The following FOXK2 variants were observed in gnomAD, a reference collection of about 807,000 sequenced individuals.
The protein encoded by FOXK2 is forkhead box protein K2.
FOXK2 carries 24 observed loss-of-function variants against 53.3 expected under a neutral mutation model. That is an observed-to-expected ratio of 0.45 (90% CI 0.33 to 0.63). The LOEUF is 0.63. Among genes scored for constraint, FOXK2 ranks in the 30% least tolerant of loss-of-function variants. The probability of loss-of-function intolerance (pLI) is 0.03; values close to 1 mark genes in which losing one functional copy is unlikely to be tolerated. For synonymous variants in FOXK2, 505 were observed against 407.1 expected (o/e 1.24, Z -2.89); for missense variants, 952 against 910.5 (o/e 1.05, Z -0.59).
rs925458248 is a variant in FOXK2 at position 82,551,122 on chromosome 17, C to T, written c.420-12232C>T. Among the ~76,000 whole-genome samples the T allele has an allele frequency of 1.7e-3, 257 of 149,896 alleles. 3 individuals carry two copies. Among genetic ancestry groups the T allele is most frequent in the African/African-American group, 6.1e-3 (250 of 40,812 alleles). ...CACAAGCTCAGGAGACTGAGACCAT[C>T]CTGGCTAACACGGTGAAACCCCGTC... is the stretch of plus-strand genomic sequence containing the variant. On this transcript the variant is annotated intron_variant, in intron 1 of 8. Transcript: ENST00000335255.
intron 1 of FOXK2, among the ~76,000 whole-genome samples, chr17:82,540,453 G>A (rs1029818282): frequency 3.3e-5 from 5 of 152,126 alleles, no homozygotes; most frequent in African/African-American, 1.2e-4. Context: ...TCTGTTTGAA[G>A]CCTTTCCAGT....
chr17:82,529,304 T>C (rs2044448618), intron 1 of FOXK2, among the ~76,000 whole-genome samples: 1 of 147,148 alleles, frequency 6.8e-6, no homozygotes, highest in African/African-American at 2.5e-5. Context: ...CTCATTGCAG[T>C]GTCCACCTCC....
rs996261064 is a variant in FOXK2, at chr17:82,571,600, CAAAA to C, written c.763-119_763-116del. The C allele has an allele frequency of 1.1e-5, 12 of 1,048,712 alleles. No individual in the cohort carries two copies. In the African/African-American group the frequency reaches 1.7e-4, roughly 15 times the overall value. The allele number at this position is 1,048,712 out of a possible 1,614,324, so 65.0% of individuals were successfully genotyped here. ...TGGGCGACACAGCGAGACTCTGTCTCAAAAAAAAGACAAATGAGGTATCAGAGGA... is the reference window on the plus strand; with the variant it reads ...TGGGCGACACAGCGAGACTCTGTCTCAAAAGACAAATGAGGTATCAGAGGA... On this transcript the variant is annotated intron_variant, in intron 3 of 8. Coordinates refer to ENST00000335255, the MANE Select transcript of FOXK2 (RefSeq NM_004514.4).
intron 3 of FOXK2, among the ~76,000 whole-genome samples, chr17:82,571,035 C>G (rs2044911599): frequency 6.6e-6 from 1 of 152,090 alleles, no homozygotes; most frequent in African/African-American, 2.4e-5. Context: ...CTGGGCAGCC[C>G]TGGCCACCCC....
chr17:82,584,616 C>T (rs974005143), intron 6 of FOXK2, among the ~76,000 whole-genome samples: 7 of 137,078 alleles, frequency 5.1e-5, no homozygotes, highest in Admixed American at 3.2e-4. Context: ...AATCTTGGCT[C>T]GTTGCAACCT....
chr17:82,520,548 G>A (rs1185031271), intron 1 of FOXK2, among the ~76,000 whole-genome samples: 53 of 152,186 alleles, frequency 3.5e-4, no homozygotes. Context: ...CCCCCTTCCT[G>A]GAGCCGGGGC....
At chr17:82,585,641 A>C (rs1292526858) in intron 6 of FOXK2, among the ~76,000 whole-genome samples, 2 of 152,176 alleles carry the variant, frequency 1.3e-5, no homozygotes, top group Admixed American at 1.3e-4. Context: ...TCTTTTTTAT[A>C]AAGAACTGTG....
At chr17:82,531,846 CTTTA>C (rs772884051) in intron 1 of FOXK2, among the ~76,000 whole-genome samples, 9 of 152,052 alleles carry the variant, frequency 5.9e-5, no homozygotes, top group Non-Finnish European at 1.2e-4. Flanking sequence ...TTAGGCTATA[CTTTA>C]TTTATTTGAG....
At position 82,571,767 on chromosome 17, in the gene FOXK2, A is replaced by G; in HGVS notation, c.806A>G (p.Gln269Arg). The G allele has an allele frequency of 6.3e-7, 1 of 1,599,168 alleles. No individual in the cohort carries two copies. The highest frequency in any genetic ancestry group is 2.3e-5 in the East Asian group (1 of 43,466). ...PPYSYAQLIV[Q>R]AITMAPDKQL... ...TACTCCTACGCGCAGCTGATAGTTC[A>G]GGCGATTACGATGGCTCCCGACAAA... Residue 269 changes from glutamine to arginine, a missense_variant, in exon 4 of 9, where the codon CAG becomes CGG. Gln to Arg is a conservative substitution (Grantham distance 43). Transcript: ENST00000335255.
chr17:82,532,511 A>G (rs1257838507), intron 1 of FOXK2, among the ~76,000 whole-genome samples: 1 of 148,748 alleles, frequency 6.7e-6, no homozygotes, highest in Non-Finnish European at 1.5e-5. Context: ...TATTAGTCTT[A>G]ACATACTATA....
At position 82,587,084 on chromosome 17, in the gene FOXK2, C is replaced by A. The variant is rs890768093; in HGVS notation, c.1598C>A (p.Ala533Asp). The A allele has an allele frequency of 1.9e-6, 3 of 1,612,850 alleles. No homozygotes were observed. Among genetic ancestry groups the A allele is most frequent in the Non-Finnish European group, 2.5e-6 (3 of 1,180,008 alleles). The change falls in exon 8 of 9, where the codon GCC (alanine) becomes GAC (aspartate). Residue 533 changes from alanine to aspartate, a missense_variant. This residue lies in a region of FOXK2 where 551 missense variants were observed against 385.1 expected (regional missense o/e 1.43). Transcript: ENST00000335255. ...EVKVKVEPIP[A>D]IGHATLGTAS... ...TCAGTGAAAGTAGAGCCTATTCCCG[C>A]CATTGGCCACGCCACGCTCGGCACT...
chr17:82,601,586 C>T lies in FOXK2; in HGVS notation c.*87C>T, dbSNP rs570341778. On this transcript the variant is annotated 3_prime_UTR_variant, in exon 9 of 9. Transcript: ENST00000335255. ...CCCGCCAGCACTCGGGGGTGCAGGG[C>T]CCTGTGGTTGGACTTCACCTCTCAG... 4.4e-6 allele frequency: 6 copies of T among 1,364,840 alleles called. No homozygotes were observed. The East Asian group carries it at 1.5e-4, about 34-fold the overall frequency. 84.5% of individuals were successfully genotyped at this position (1,364,840 alleles called of 1,614,324 possible).
intron 1 of FOXK2, among the ~76,000 whole-genome samples, chr17:82,523,406 C>T (rs1057219612): frequency 6.6e-6 from 1 of 151,670 alleles, no homozygotes; most frequent in African/African-American, 2.4e-5. Context: ...AGGGCAGTAA[C>T]ACAGGTTAAT....
chr17:82,585,171 A>AG, intron 6 of FOXK2: 1 of 152,362 alleles, frequency 6.6e-6, no homozygotes, highest in Admixed American at 6.5e-5. Context: ...CAAACCACAA[A>AG]GGGCAGAGGC....
At chr17:82,527,151 A>C (rs1371052527) in intron 1 of FOXK2, among the ~76,000 whole-genome samples, 1 of 152,098 alleles carries the variant, frequency 6.6e-6, no homozygotes, top group Non-Finnish European at 1.5e-5. Context: ...GCAGAGGGCA[A>C]ATGGCGCTTT....
At chr17:82,572,879 A>G (rs927826181) in intron 4 of FOXK2, among the ~76,000 whole-genome samples, 3 of 152,198 alleles carry the variant, frequency 2.0e-5, no homozygotes, top group African/African-American at 7.2e-5. Context: ...CCACAGATGT[A>G]TAAACATGTT....
chr17:82,573,540 T>A lies in FOXK2; in HGVS notation c.909+1670T>A, dbSNP rs944766023. 4.3e-3 allele frequency among the ~76,000 whole-genome samples: 426 copies of A among 99,316 alleles called. 3 individuals are homozygous for A. The highest frequency in any genetic ancestry group is 0.017 in the African/African-American group (410 of 24,668). The allele number at this position is 99,316 out of a possible 152,430, so 65.2% of individuals were successfully genotyped here. On this transcript the variant is annotated intron_variant, in intron 4 of 8. Transcript: ENST00000335255. ...ACTATATACATACACACACACACTC[T>A]CTCTCTCTCTCTCTCTCTCTCTCAC...
At position 82,587,439 on chromosome 17, in the gene FOXK2, A is replaced by T. The variant is rs1461074082; in HGVS notation, c.1786+167A>T. The T allele has an allele frequency of 7.7e-6, 5 of 647,106 alleles. No homozygotes were observed. In the African/African-American group the frequency reaches 9.0e-5, roughly 12 times the overall value. 40.1% of individuals were successfully genotyped at this position (647,106 alleles called of 1,614,324 possible). On this transcript the variant is annotated intron_variant, in intron 8 of 8. Coordinates refer to ENST00000335255, the MANE Select transcript of FOXK2 (RefSeq NM_004514.4). ...AGTCATGCTGGGGAAGTGGTCGTGG[A>T]GTCGGCCGTCATGGGATTCCCGTGG...
intron 1 of FOXK2, among the ~76,000 whole-genome samples, chr17:82,533,812 C>T (rs531419499): frequency 1.3e-5 from 2 of 151,512 alleles, no homozygotes; most frequent in Non-Finnish European, 2.9e-5. Flanking sequence ...GGCGTGGTGA[C>T]GCACAGCTGT....
Sources: allele counts gnomAD v4.1 joint callset (sites outside exome capture counted in the v4.1 genomes callset), GRCh38; gene constraint gnomAD v4.1.1; regional missense constraint gnomAD v4.1.1; transcripts MANE v1.5; gene names NCBI Gene and HGNC (gene_info 2026-07-23, HGNC 2026-07-21).